ULK4: variants seen among roughly 807,000 people sequenced by gnomAD.
ULK4 encodes the protein inactive serine/threonine-protein kinase ULK4.
ULK4 carries 133 observed loss-of-function variants against 160.6 expected under a neutral mutation model. The observed-to-expected ratio is 0.83, with a 90% confidence interval of 0.72 to 0.96. The LOEUF (loss-of-function observed/expected upper bound fraction) is 0.96. Among genes scored for constraint, ULK4 ranks in the 40% least tolerant of loss-of-function variants. The pLI, the probability that ULK4 is intolerant of heterozygous loss-of-function variation, is 0.00. For synonymous variants in ULK4, 534 were observed against 539.8 expected, an observed-to-expected ratio of 0.99 and a Z score of 0.15; for missense variants, 1,580 against 1,499.5, an observed-to-expected ratio of 1.05 and a Z score of -0.89.
chr3:41,474,307 T>TAG (rs1324854602), intron 32 of ULK4, among the ~76,000 whole-genome samples: 1 of 152,142 alleles, frequency 6.6e-6, no homozygotes, highest in Non-Finnish European at 1.5e-5. Context: ...CATCCATATG[T>TAG]AGAAGACTAA....
intron 22 of ULK4, among the ~76,000 whole-genome samples, chr3:41,723,473 G>C (rs1367430520): frequency 6.6e-6 from 1 of 152,150 alleles, no homozygotes; most frequent in Non-Finnish European, 1.5e-5. Flanking sequence ...CATGTGGGTT[G>C]AGGTGGGAAT....
chr3:41,774,359 C>T, intron 21 of ULK4, among the ~76,000 whole-genome samples: 1 of 150,534 alleles, frequency 6.6e-6, no homozygotes. Context: ...CTACAATGAA[C>T]TCAAACAAAT....
intron 21 of ULK4, among the ~76,000 whole-genome samples, chr3:41,770,492 T>C (rs1259279924): frequency 6.6e-6 from 1 of 151,348 alleles, no homozygotes; most frequent in Non-Finnish European, 1.5e-5. Flanking sequence ...ACGTATACAT[T>C]GATTTTATAG....
intron 30 of ULK4, among the ~76,000 whole-genome samples, chr3:41,627,547 G>A (rs945760123): frequency 2.6e-5 from 4 of 152,118 alleles, no homozygotes; most frequent in African/African-American, 9.7e-5. Flanking sequence ...TCTGCCTTTC[G>A]GGCATCCACC....
At chr3:41,639,681 T>C (rs1012035073) in intron 30 of ULK4, among the ~76,000 whole-genome samples, 2 of 152,164 alleles carry the variant, frequency 1.3e-5, no homozygotes, top group Non-Finnish European at 2.9e-5. Context: ...TGAGCCAAGA[T>C]TGCGCCACTG....
At chr3:41,901,830 C>T (rs1485891722) in intron 12 of ULK4, among the ~76,000 whole-genome samples, 1 of 152,026 alleles carries the variant, frequency 6.6e-6, no homozygotes, top group African/African-American at 2.4e-5. Flanking sequence ...TTCTGCTTTA[C>T]AGAACATTCA....
intron 30 of ULK4, among the ~76,000 whole-genome samples, chr3:41,652,361 A>G (rs55766427): frequency 0.061 from 9,256 of 152,300 alleles, 430 homozygotes; most frequent in African/African-American, 0.13. Context: ...TTTTTCTACA[A>G]TCCTATCAGA....
chr3:41,582,804 G>C (rs990243510), intron 31 of ULK4, among the ~76,000 whole-genome samples: 4 of 152,220 alleles, frequency 2.6e-5, no homozygotes, highest in Non-Finnish European at 2.9e-5. Flanking sequence ...TAAAAGGTTA[G>C]TACTATTACT....
chr3:41,843,933 T>C (rs1010078701), intron 17 of ULK4, among the ~76,000 whole-genome samples: 5 of 152,128 alleles, frequency 3.3e-5, no homozygotes, highest in African/African-American at 1.2e-4. Context: ...ATACAGAGTG[T>C]CTGCACAAAG....
chr3:41,698,864 T>A (rs746200638), intron 27 of ULK4, among the ~76,000 whole-genome samples: 3 of 152,220 alleles, frequency 2.0e-5, no homozygotes. Flanking sequence ...GTTTTGTCTA[T>A]TCTTAACTTT....
chr3:41,443,252 T>A (rs374271230), intron 34 of ULK4, among the ~76,000 whole-genome samples: 100 of 152,324 alleles, frequency 6.6e-4, no homozygotes, highest in African/African-American at 2.2e-3. Flanking sequence ...GTAACTCCAC[T>A]TACATTCCTT....
At chr3:41,714,245 G>A (rs2037190014) in intron 25 of ULK4, among the ~76,000 whole-genome samples, 1 of 152,028 alleles carries the variant, frequency 6.6e-6, no homozygotes, top group African/African-American at 2.4e-5. Flanking sequence ...AGCACAAAGG[G>A]ACCTTTACTG....
chr3:41,611,727 C>T (rs556085312), intron 31 of ULK4, among the ~76,000 whole-genome samples: 1 of 152,308 alleles, frequency 6.6e-6, no homozygotes, highest in South Asian at 2.1e-4. Context: ...ATTGCACATG[C>T]CTCCTAAAGC....
At chr3:41,832,311 A>G (rs1273642598) in intron 18 of ULK4, among the ~76,000 whole-genome samples, 7 of 152,178 alleles carry the variant, frequency 4.6e-5, no homozygotes, top group African/African-American at 1.4e-4. Context: ...GCTTTTTTTC[A>G]TATGTTTGTT....
intron 30 of ULK4, among the ~76,000 whole-genome samples, chr3:41,620,096 A>G (rs1036585869): frequency 6.6e-6 from 1 of 152,156 alleles, no homozygotes; most frequent in Non-Finnish European, 1.5e-5. Context: ...ACCAATAAGA[A>G]GATCTGAAAT....
At chr3:41,752,654 T>C (rs1181210739) in intron 22 of ULK4, among the ~76,000 whole-genome samples, 4 of 152,198 alleles carry the variant, frequency 2.6e-5, no homozygotes, top group Non-Finnish European at 4.4e-5. Flanking sequence ...GAAAATCATA[T>C]GTTCATGAGT....
intron 2 of ULK4, among the ~76,000 whole-genome samples, chr3:41,940,820 T>C (rs1699927642): frequency 6.6e-6 from 1 of 152,216 alleles, no homozygotes; most frequent in Non-Finnish European, 1.5e-5. Flanking sequence ...ATTTCTGTTA[T>C]GGATCATAAG....
intron 17 of ULK4, among the ~76,000 whole-genome samples, chr3:41,880,088 C>A (rs147405512): frequency 0.059 from 9,018 of 152,154 alleles, 849 homozygotes; most frequent in African/African-American, 0.21. Flanking sequence ...CCACTGCAAT[C>A]CAGCCTGGGC....
At chr3:41,510,517 C>T (rs999244021) in intron 32 of ULK4, among the ~76,000 whole-genome samples, 1 of 152,172 alleles carries the variant, frequency 6.6e-6, no homozygotes, top group Non-Finnish European at 1.5e-5. Context: ...TACCCAACTA[C>T]TATAGAATAT....
Sources: gnomAD v4.1 joint callset for allele counts (sites outside exome capture counted in the v4.1 genomes callset) on GRCh38, gnomAD v4.1.1 for gene constraint, MANE v1.5 for transcripts, NCBI Gene and HGNC (gene_info 2026-07-23, HGNC 2026-07-21) for gene names.